BMPR1B: variants seen among roughly 807,000 people sequenced by gnomAD.
BMPR1B encodes the protein bone morphogenetic protein receptor type-1B.
Under a neutral mutation model 59.1 loss-of-function variants are expected in BMPR1B, and 12 were observed. The observed-to-expected ratio is 0.20, with a 90% CI of 0.13 to 0.33. The LOEUF is 0.33. Ranked by LOEUF, BMPR1B falls within the 10% of genes least tolerant of loss-of-function variation. The pLI, the probability that BMPR1B is intolerant of heterozygous loss-of-function variation, is 1.00. For synonymous variants in BMPR1B, 237 were observed against 207.3 expected, an observed-to-expected ratio of 1.14 and a Z score of -1.23; for missense variants, 550 against 610.9, an observed-to-expected ratio of 0.90 and a Z score of 1.05.
At chr4:94,768,191 T>C (rs775319798) in intron 1 of BMPR1B, among the ~76,000 whole-genome samples, 1 of 152,048 alleles carries the variant, frequency 6.6e-6, no homozygotes, top group Admixed American at 6.5e-5. Context: ...ACATTGAAAA[T>C]TGCTTTGAGT....
chr4:94,781,552 AC>A (rs1259782041), intron 1 of BMPR1B, among the ~76,000 whole-genome samples: 4 of 152,024 alleles, frequency 2.6e-5, no homozygotes, highest in African/African-American at 9.7e-5. Context: ...AGCTGGGATT[AC>A]AGGTGCCCAC....
intron 2 of BMPR1B, 127 bp from the exon 3 acceptor site, chr4:94,995,913 G>A (rs190282048): frequency 7.2e-5 from 11 of 152,278 alleles, no homozygotes; most frequent in African/African-American, 2.4e-4. Flanking sequence ...AGACCACTAC[G>A]TAGCTGCCTT....
At chr4:95,001,272 T>C (rs1722424963) in intron 3 of BMPR1B, among the ~76,000 whole-genome samples, 1 of 152,180 alleles carries the variant, frequency 6.6e-6, no homozygotes. Flanking sequence ...GTTTTTGTTC[T>C]TCATACTACA....
intron 6 of BMPR1B, among the ~76,000 whole-genome samples, chr4:95,116,421 G>GCGCGCGCGCGCGCGCGCACA: frequency 4.1e-5 from 5 of 123,246 alleles, no homozygotes; most frequent in African/African-American, 1.4e-4. Flanking sequence ...TTCAGCGCGC[G>GCGCGCGCGCGCGCGCGCACA]CACACACACA....
At chr4:94,784,327 T>C (rs1044615939) in intron 1 of BMPR1B, among the ~76,000 whole-genome samples, 2 of 152,124 alleles carry the variant, frequency 1.3e-5, no homozygotes, top group Non-Finnish European at 2.9e-5. Flanking sequence ...GTTTTTTGGA[T>C]GAACTTGTAT....
chr4:94,980,510 C>A (rs755552566), intron 2 of BMPR1B, among the ~76,000 whole-genome samples: 3 of 152,108 alleles, frequency 2.0e-5, no homozygotes, highest in Non-Finnish European at 4.4e-5. Flanking sequence ...TCCCCATGTC[C>A]GTGTGGGTTT....
intron 2 of BMPR1B, among the ~76,000 whole-genome samples, chr4:94,932,160 C>T (rs1386448929): frequency 4.6e-5 from 7 of 152,092 alleles, no homozygotes; most frequent in Admixed American, 3.9e-4. Flanking sequence ...CCTTACTTTT[C>T]TCCCCTGCCC....
Position 95,123,849 on chromosome 4 carries a change from T to C in BMPR1B, c.389T>C (p.Ile130Thr). The C allele has an allele frequency of 6.2e-7, 1 of 1,612,354 alleles. No individual in the cohort carries two copies. The highest frequency in any genetic ancestry group is 8.5e-7 in the Non-Finnish European group (1 of 1,179,276). The change falls in exon 7 of 13, where the codon ATA (isoleucine) becomes ACA (threonine). Residue 130 changes from isoleucine to threonine, a missense_variant. By Grantham distance (89) the Ile-to-Thr change is moderately conservative. This residue lies in a region of BMPR1B where 20 missense variants were observed against 39.9 expected (regional missense o/e 0.50). Transcript: ENST00000515059. ...CCTATACACCACAGGGCTTTACTTA[T>C]ATCTGTGACTGTCTGTAGTTTGCTC... ...DGPIHHRALL[I>T]SVTVCSLLLV...
chr4:94,831,942 C>T (rs922493607), intron 1 of BMPR1B, among the ~76,000 whole-genome samples: 11 of 152,306 alleles, frequency 7.2e-5, no homozygotes, highest in African/African-American at 2.2e-4. Context: ...TAATCTGTCA[C>T]TGTCTCCCAT....
chr4:95,061,275 A>G (rs1727371654), intron 3 of BMPR1B, among the ~76,000 whole-genome samples: 1 of 152,022 alleles, frequency 6.6e-6, no homozygotes. Flanking sequence ...AAAGAGAGTA[A>G]GAGAAGAGGC....
intron 12 of BMPR1B, among the ~76,000 whole-genome samples, 184 bp from the exon 13 acceptor site, chr4:95,154,364 G>A (rs1437417760): frequency 6.6e-6 from 1 of 152,128 alleles, no homozygotes; most frequent in African/African-American, 2.4e-5. Flanking sequence ...AAGAAGACAT[G>A]AACATCTGTT....
intron 3 of BMPR1B, among the ~76,000 whole-genome samples, chr4:95,068,581 G>A (rs1457344797): frequency 1.3e-5 from 2 of 152,156 alleles, no homozygotes; most frequent in Non-Finnish European, 2.9e-5. Flanking sequence ...TGCAATGAGG[G>A]CTGGTTAATG....
At chr4:95,071,863 C>A (rs1480239904) in intron 3 of BMPR1B, among the ~76,000 whole-genome samples, 2 of 151,822 alleles carry the variant, frequency 1.3e-5, no homozygotes, top group Non-Finnish European at 2.9e-5. Flanking sequence ...TTTAGTGACA[C>A]TTTGTTAACT....
Position 95,106,900 on chromosome 4 carries a change from A to G in BMPR1B, c.143+2333A>G, listed in dbSNP as rs184587361. 4.3e-3 allele frequency among the ~76,000 whole-genome samples: 650 copies of G among 149,776 alleles called. 1 individual carries two copies. Among genetic ancestry groups the G allele is most frequent in the African/African-American group, 0.015 (630 of 40,884 alleles). The stretch of plus-strand genomic sequence containing the variant: ...GGGCTTCACTTCATGCTGCTGTTTG[A>G]GTTTAGGCCTGCTGCACATTTCTTC... On this transcript the variant is annotated intron_variant, in intron 4 of 12. Coordinates refer to ENST00000515059, the MANE Select transcript of BMPR1B (RefSeq NM_001203.3).
At chr4:94,882,315 TTA>T (rs1393280086) in intron 2 of BMPR1B, among the ~76,000 whole-genome samples, 1 of 152,224 alleles carries the variant, frequency 6.6e-6, no homozygotes, top group Admixed American at 6.5e-5. Context: ...TAAATATATT[TTA>T]TGTTTTCATA....
chr4:95,022,908 T>C (rs1284042316), intron 3 of BMPR1B, among the ~76,000 whole-genome samples: 1 of 152,210 alleles, frequency 6.6e-6, no homozygotes, highest in East Asian at 1.9e-4. Flanking sequence ...TAAGAAAGAC[T>C]GTGCTGTGGA....
intron 2 of BMPR1B, among the ~76,000 whole-genome samples, chr4:94,987,985 C>G (rs904785838): frequency 6.6e-6 from 1 of 152,040 alleles, no homozygotes; most frequent in African/African-American, 2.4e-5. Flanking sequence ...TGTTCTTATC[C>G]AGTCTCTTGT....
chr4:94,940,785 C>T (rs990204633), intron 2 of BMPR1B, among the ~76,000 whole-genome samples: 2 of 152,102 alleles, frequency 1.3e-5, no homozygotes, highest in Admixed American at 6.5e-5. Context: ...AATAGAGCCC[C>T]GAAATTCCTG....
At chr4:95,068,575 A>T (rs1248692424) in intron 3 of BMPR1B, among the ~76,000 whole-genome samples, 1 of 152,156 alleles carries the variant, frequency 6.6e-6, no homozygotes, top group African/African-American at 2.4e-5. Flanking sequence ...ATAACCTGCA[A>T]TGAGGGCTGG....
Sources: allele counts gnomAD v4.1 joint callset (sites outside exome capture counted in the v4.1 genomes callset), GRCh38; gene constraint gnomAD v4.1.1; regional missense constraint gnomAD v4.1.1; transcripts MANE v1.5; gene names NCBI Gene and HGNC (gene_info 2026-07-23, HGNC 2026-07-21).